HNF1A: variants seen among roughly 807,000 people sequenced by gnomAD.
The protein encoded by HNF1A is HNF1 homeobox A.
Under a neutral mutation model 62.2 loss-of-function variants are expected in HNF1A, and 21 were observed. That is an observed-to-expected ratio of 0.34 (90% CI 0.24 to 0.49). HNF1A has a LOEUF of 0.49. Among genes scored for constraint, HNF1A ranks in the 20% least tolerant of loss-of-function variants. HNF1A has a pLI of 0.99. For missense variants in HNF1A, 687 were observed against 832.3 expected, an observed-to-expected ratio of 0.83 and a Z score of 2.15; for synonymous variants, 374 against 366.8, an observed-to-expected ratio of 1.02 and a Z score of -0.22.
In HNF1A at chr12:120,984,056, C is replaced by A. The variant is rs540709887; in HGVS notation, c.327-4777C>A. 9.1e-4 allele frequency among the ~76,000 whole-genome samples: 138 copies of A among 152,074 alleles called. 1 individual carries two copies. Among genetic ancestry groups the A allele is most frequent in the African/African-American group, 3.3e-3 (135 of 41,472 alleles). On this transcript the variant is annotated intron_variant, in intron 1 of 9. Transcript: ENST00000257555. ...CAGTAGGTTCTAGAAAAAAGTGGCA[C>A]AGGTGGCTTCTCCCAGAAAAGGGAA...
At position 120,978,778 on chromosome 12, in the gene HNF1A, A is replaced by G; in HGVS notation, c.10A>G (p.Lys4Glu). ...CTGTGGCAGCCGAGCCATGGTTTCTAAACTGAGCCAGCTGCAGACGGAGCT... is the reference window on the plus strand; with the variant it reads ...CTGTGGCAGCCGAGCCATGGTTTCTGAACTGAGCCAGCTGCAGACGGAGCT... MVSKLSQLQTELLA... is the reference protein window; with the variant it reads MVSELSQLQTELLA... The change falls in exon 1 of 10, where the codon AAA becomes GAA. Residue 4 changes from lysine to glutamate, a missense_variant. Coordinates refer to ENST00000257555, the MANE Select transcript of HNF1A (RefSeq NM_000545.8). 1.2e-6 allele frequency: 2 copies of G among 1,612,818 alleles called. No individual in the cohort carries two copies. The highest frequency in any genetic ancestry group is 1.7e-6 in the Non-Finnish European group (2 of 1,179,808).
At chr12:120,997,767 G>A in intron 7 of HNF1A, 102 bp downstream of exon 7, 2 of 1,230,074 alleles carry the variant, frequency 1.6e-6, no homozygotes, top group Non-Finnish European at 1.2e-6. Context: ...GTCTGCATGT[G>A]TCTCTGGGAC....
chr12:120,999,290 G>A lies in HNF1A; in HGVS notation c.1524G>A (p.Glu508=). ...CAGCCCTCTACAGCCACAAGCCCGA[G>A]GTGGCCCAGTACACCCACACGGGCC... is the stretch of plus-strand genomic sequence containing the variant. ...SPHALYSHKP[E]VAQYTHTGLL... Residue 508 remains glutamate (E), a synonymous_variant, in exon 8 of 10, where the codon GAG becomes GAA. Transcript: ENST00000257555. The A allele has an allele frequency of 6.2e-7, 1 of 1,613,994 alleles. No homozygotes were observed. Among genetic ancestry groups the A allele is most frequent in the Non-Finnish European group, 8.5e-7 (1 of 1,180,006 alleles).
At chr12:120,984,581 G>C (rs569590155) in intron 1 of HNF1A, among the ~76,000 whole-genome samples, 1 of 152,122 alleles carries the variant, frequency 6.6e-6, no homozygotes, top group Non-Finnish European at 1.5e-5. Context: ...CTGGCTCTAG[G>C]ATCAGATAAA....
At chr12:120,988,422 AT>A (rs1298912359) in intron 1 of HNF1A, among the ~76,000 whole-genome samples, 6 of 151,194 alleles carry the variant, frequency 4.0e-5, no homozygotes, top group African/African-American at 1.5e-4. Flanking sequence ...TCGCCCATCC[AT>A]CCATCCACCC....
intron 2 of HNF1A, among the ~76,000 whole-genome samples, chr12:120,990,777 G>A (rs1468684764): frequency 6.6e-6 from 1 of 152,106 alleles, no homozygotes; most frequent in Non-Finnish European, 1.5e-5. Context: ...AAGAAAAACA[G>A]AGTTTATAAG....
intron 1 of HNF1A, among the ~76,000 whole-genome samples, chr12:120,987,150 A>G (rs187051575): frequency 4.6e-5 from 7 of 152,122 alleles, no homozygotes; most frequent in Admixed American, 4.6e-4. Flanking sequence ...AGGCCTCTGA[A>G]TGTCAACCCT....
At chr12:120,985,262 T>C (rs1006178150) in intron 1 of HNF1A, among the ~76,000 whole-genome samples, 2 of 150,956 alleles carry the variant, frequency 1.3e-5, no homozygotes, top group Non-Finnish European at 3.0e-5. Context: ...TTTTTTTTTT[T>C]ATAGAGACAG....
intron 1 of HNF1A, among the ~76,000 whole-genome samples, chr12:120,981,833 G>A (rs1297970867): frequency 6.6e-6 from 1 of 152,176 alleles, no homozygotes; most frequent in Non-Finnish European, 1.5e-5. Context: ...GACAAGGCCC[G>A]TGTTGCCTTA....
intron 1 of HNF1A, chr12:120,981,061 C>T (rs1876226453): frequency 6.6e-6 from 1 of 152,148 alleles, no homozygotes; most frequent in South Asian, 2.1e-4. Flanking sequence ...AACTAACTAC[C>T]TGGGTTACTT....
In HNF1A at chr12:120,988,998, C is replaced by A; in HGVS notation, c.492C>A (p.Thr164=). The change falls in exon 2 of 10, where the codon ACC becomes ACA. Residue 164 remains threonine (T), a synonymous_variant. Coordinates refer to ENST00000257555, the MANE Select transcript of HNF1A (RefSeq NM_000545.8). ...MKTQKRAALY[T]WYVRKQREVA... ...CGCAGAAGCGGGCCGCCCTGTACAC[C>A]TGGTACGTCCGCAAGCAGCGAGAGG... is the stretch of plus-strand genomic sequence containing the variant. 6.2e-7 allele frequency: 1 copy of A among 1,614,256 alleles called. No individual in the cohort carries two copies. The highest frequency in any genetic ancestry group is 8.5e-7 in the Non-Finnish European group (1 of 1,180,042).
In HNF1A at chr12:120,996,411, C is replaced by G. The variant is rs1490866595; in HGVS notation, c.1105C>G (p.Leu369Val). 3 of 1,614,100 alleles carry G rather than the reference C, an allele frequency of 1.9e-6. No individual in the cohort carries two copies. The highest frequency in any genetic ancestry group is 1.7e-5 in the Admixed American group (1 of 60,008). The change falls in exon 5 of 10, where the codon CTG becomes GTG. Residue 369 changes from leucine (L) to valine (V), a missense_variant and splice_region_variant. Coordinates refer to ENST00000257555, the MANE Select transcript of HNF1A (RefSeq NM_000545.8). This position sits in a 1 kb window ranked among gnomAD's most constrained non-coding sequence, Gnocchi z 4.5. ...SHSLLSTEAK[L>V]VSAAGGPLPP... ...CAGCCTGCTGAGTACAGAAGCCAAGCTGGTGAGTGTCCTTGCTTGTAAGGA... is the reference window on the plus strand; with the variant it reads ...CAGCCTGCTGAGTACAGAAGCCAAGGTGGTGAGTGTCCTTGCTTGTAAGGA...
chr12:121,000,581 G>A (rs948794701), intron 9 of HNF1A: 5 of 225,984 alleles, frequency 2.2e-5, no homozygotes, highest in African/African-American at 4.6e-5. Flanking sequence ...GGCAGCTCTG[G>A]GGAGTGAATT....
At chr12:120,997,423 G>T (rs1442806687) in intron 6 of HNF1A, 51 bp from the exon 7 acceptor site, 2 of 1,544,922 alleles carry the variant, frequency 1.3e-6, no homozygotes, top group East Asian at 4.5e-5. Flanking sequence ...TCTTGGGCAG[G>T]GGTGGGATAT....
At chr12:120,984,109 C>G (rs1313709569) in intron 1 of HNF1A, among the ~76,000 whole-genome samples, 1 of 152,228 alleles carries the variant, frequency 6.6e-6, no homozygotes, top group East Asian at 1.9e-4. Flanking sequence ...TCTCTGACTC[C>G]TAACTGGCAT....
chr12:120,983,163 A>G (rs1876336772), intron 1 of HNF1A, among the ~76,000 whole-genome samples: 1 of 152,222 alleles, frequency 6.6e-6, no homozygotes, highest in African/African-American at 2.4e-5. Flanking sequence ...TTGACCCTGG[A>G]AAGGGTAGGA....
At position 120,979,132 on chromosome 12, in the gene HNF1A, CTA is replaced by C. The variant is rs1876120729; in HGVS notation, c.326+39_326+40del. 3.2e-6 allele frequency: 5 copies of C among 1,561,586 alleles called. No homozygotes were observed. The East Asian group carries it at 1.2e-4, about 36-fold the overall frequency. ...GCCCCGTCCCCGCTCCCAGGAGAGC[CTA>C]GAGGGGCCCCCCTCAGCTCCTAACG... On this transcript the variant is annotated intron_variant, in intron 1 of 9. Coordinates refer to ENST00000257555, the MANE Select transcript of HNF1A (RefSeq NM_000545.8).
chr12:120,990,596 T>TGATAGGAAAGGGAGGAAA (rs71076697), intron 2 of HNF1A, among the ~76,000 whole-genome samples: 4,938 of 121,594 alleles, frequency 0.041, 364 homozygotes, highest in Non-Finnish European at 0.064. Context: ...AAAGGAAAGA[T>TGATAGGAAAGGGAGGAAA]GATAGGAAAG....
rs1877550579 is a variant in HNF1A, at chr12:121,002,284, A to AG, written c.*1094dup. 2.3e-6 allele frequency: 1 copy of AG among 441,730 alleles called. No homozygotes were observed. Among genetic ancestry groups the AG allele is most frequent in the African/African-American group, 2.0e-5 (1 of 50,626 alleles). 27.4% of individuals were successfully genotyped at this position (441,730 alleles called of 1,614,324 possible). A position where few individuals can be genotyped will look rare whatever the true frequency, so the allele number is the denominator to read the frequency against. Reference sequence around the variant, plus strand: ...GTTCGCAGCCACCCTGAGGAGTCTGAGGTCCTGAGCACTGCCAGGAGGGAC... The same window carrying AG: ...GTTCGCAGCCACCCTGAGGAGTCTGAGGGTCCTGAGCACTGCCAGGAGGGAC... On this transcript the variant is annotated 3_prime_UTR_variant, in exon 10 of 10. Transcript: ENST00000257555.
Sources: allele counts gnomAD v4.1 joint callset (sites outside exome capture counted in the v4.1 genomes callset), GRCh38; gene constraint gnomAD v4.1.1; non-coding constraint Gnocchi (gnomAD v3.1); transcripts MANE v1.5; gene names NCBI Gene and HGNC (gene_info 2026-07-23, HGNC 2026-07-21).